The following PCNA variants were observed in gnomAD, a reference collection of about 807,000 sequenced individuals.
The protein encoded by PCNA is proliferating cell nuclear antigen, also known as DNA sliding clamp PCNA.
A neutral mutation model predicts 27.8 loss-of-function variants in PCNA; 4 were observed. The observed-to-expected ratio is 0.14, with a 90% CI of 0.07 to 0.33. The LOEUF (loss-of-function observed/expected upper bound fraction) is 0.33, where lower values mean the gene tolerates loss of function less well. Ranked by LOEUF, PCNA falls within the 10% of genes least tolerant of loss-of-function variation. The pLI is 1.00. For synonymous variants in PCNA, 121 were observed against 119.4 expected (o/e 1.01, Z -0.09); for missense variants, 165 against 327.4 (o/e 0.50, Z 3.83).
upstream of PCNA, among the ~76,000 whole-genome samples, chr20:5,123,687 T>A (rs923263343): frequency 1.0e-4 from 15 of 144,678 alleles, no homozygotes; most frequent in African/African-American, 3.9e-4. Flanking sequence ...AGAGCAAACC[T>A]CCATCTCAAA....
upstream of PCNA, among the ~76,000 whole-genome samples, chr20:5,124,216 T>C (rs2090532461): frequency 6.6e-6 from 1 of 152,194 alleles, no homozygotes; most frequent in African/African-American, 2.4e-5. Flanking sequence ...ATTTTTCTGG[T>C]GGAAACTTAG....
At chr20:5,117,405 T>C in intron 4 of PCNA, 65 bp downstream of exon 4, 3 of 1,093,088 alleles carry the variant, frequency 2.7e-6, no homozygotes, top group Non-Finnish European at 4.0e-6. Flanking sequence ...ATTTTAGCAA[T>C]TAACCTAATA....
At chr20:5,115,667 G>T (rs2090469932) in intron 4 of PCNA, 95 bp from the exon 5 acceptor site, 1 of 1,049,170 alleles carries the variant, frequency 9.5e-7, no homozygotes, top group Non-Finnish European at 1.4e-6. Context: ...CACTTGTATT[G>T]GTCACTTTGG....
intron 4 of PCNA, among the ~76,000 whole-genome samples, chr20:5,116,773 A>C (rs1473198772): frequency 1.3e-5 from 2 of 152,134 alleles, no homozygotes; most frequent in African/African-American, 4.8e-5. Context: ...CCATCTCAGC[A>C]TTCCAAGTAG....
rs1403222412 is a variant in PCNA at position 5,119,520 on chromosome 20, G to A, written c.221+58C>T. 9.1e-6 allele frequency: 13 copies of A among 1,431,874 alleles called. No homozygotes were observed. In the East Asian group the frequency reaches 2.1e-4, roughly 24 times the overall value. The allele number at this position is 1,431,874 out of a possible 1,614,324, so 88.7% of individuals were successfully genotyped here. A position where few individuals can be genotyped will look rare whatever the true frequency, so the allele number is the denominator to read the frequency against. On this transcript the variant is annotated intron_variant, in intron 1 of 5. Transcript: ENST00000379143. Reference sequence around the variant, plus strand: ...GAGGGCTAGGCTCGAAAGCGCTCCCGCCAAGCACCGGAGGTGCAGGCGGGC... The same window carrying A: ...GAGGGCTAGGCTCGAAAGCGCTCCCACCAAGCACCGGAGGTGCAGGCGGGC...
intron 3 of PCNA, 108 bp downstream of exon 3, chr20:5,118,502 G>T: frequency 1.3e-6 from 1 of 793,382 alleles, no homozygotes; most frequent in Non-Finnish European, 2.1e-6. Flanking sequence ...CTGCACTCCA[G>T]CCTGGGCAAC....
At chr20:5,119,278 C>CACTA in intron 1 of PCNA, among the ~76,000 whole-genome samples, 1 of 152,234 alleles carries the variant, frequency 6.6e-6, no homozygotes, top group Non-Finnish European at 1.5e-5. Context: ...CATTCAAGGC[C>CACTA]AACAGGATTT....
intron 4 of PCNA, among the ~76,000 whole-genome samples, 187 bp from the exon 5 acceptor site, chr20:5,115,759 T>C (rs1483447316): frequency 6.6e-6 from 1 of 152,232 alleles, no homozygotes; most frequent in Non-Finnish European, 1.5e-5. Context: ...AGCTATAATT[T>C]AGATAACCAA....
chr20:5,118,228 T>C (rs762295396), intron 3 of PCNA, among the ~76,000 whole-genome samples: 5 of 152,230 alleles, frequency 3.3e-5, no homozygotes, highest in African/African-American at 7.2e-5. Context: ...CTTTGAAACA[T>C]GCACCAGTAG....
At chr20:5,118,973 G>C in intron 1 of PCNA, 107 bp from the exon 2 acceptor site, 1 of 729,942 alleles carries the variant, frequency 1.4e-6, no homozygotes, top group Non-Finnish European at 2.4e-6. Flanking sequence ...GGCCGTCTCA[G>C]AACTGGTGGA....
upstream of PCNA, among the ~76,000 whole-genome samples, chr20:5,123,492 C>T (rs551650953): frequency 1.1e-4 from 17 of 152,056 alleles, no homozygotes; most frequent in South Asian, 2.1e-4. Flanking sequence ...GTCAGGAGTT[C>T]GAGACCAGCC....
rs777411089 is a variant in PCNA at position 5,119,562 on chromosome 20, G to A, written c.221+16C>T. 3 of 1,602,166 alleles carry A rather than the reference G, an allele frequency of 1.9e-6. No individual in the cohort carries two copies. Among genetic ancestry groups the A allele is most frequent in the South Asian group, 2.2e-5 (2 of 89,956 alleles). On this transcript the variant is annotated intron_variant, in intron 1 of 5. Transcript: ENST00000379143. The stretch of plus-strand genomic sequence containing the variant: ...CAGGCGGGCCGGGGCCGGCTTCCCG[G>A]GGCCGCGAGGCTCACCTGGTGAGGT...
At chr20:5,125,053 T>C (rs796653983) in intron 1 of PCNA, among the ~76,000 whole-genome samples, 4 of 152,258 alleles carry the variant, frequency 2.6e-5, no homozygotes, top group African/African-American at 9.6e-5. Flanking sequence ...TAGAAGATCA[T>C]CTTGCTCGAG....
intron 4 of PCNA, 77 bp from the exon 5 acceptor site, chr20:5,115,649 C>T: frequency 1.6e-6 from 2 of 1,273,930 alleles, no homozygotes; most frequent in Non-Finnish European, 2.2e-6. Context: ...TTTATAAAAA[C>T]CCACAAACAC....
upstream of PCNA, chr20:5,120,114 C>A: frequency 2.9e-6 from 1 of 342,678 alleles, no homozygotes; most frequent in Non-Finnish European, 5.6e-6. Context: ...AGGAAGCGGG[C>A]GCAGGGCGGG....
intron 4 of PCNA, among the ~76,000 whole-genome samples, chr20:5,116,853 A>G (rs1294331249): frequency 1.3e-5 from 2 of 152,232 alleles, no homozygotes; most frequent in African/African-American, 4.8e-5. Flanking sequence ...GGGTTTTGCC[A>G]TGTTCTTTCT....
At chr20:5,121,385 CCTTT>C (rs2090516765), upstream of PCNA, 1 of 116,904 alleles carries the variant, frequency 8.6e-6, no homozygotes. Flanking sequence ...GCCTTTCTTT[CCTTT>C]TTTTTTTTTT....
chr20:5,122,371 G>A (rs2090523844), upstream of PCNA, among the ~76,000 whole-genome samples: 1 of 152,178 alleles, frequency 6.6e-6, no homozygotes, highest in Non-Finnish European at 1.5e-5. Context: ...AAGCTACATT[G>A]GTTAAGGCAT....
At chr20:5,125,484 AT>A (rs2090541427) in intron 1 of PCNA, among the ~76,000 whole-genome samples, 1 of 152,226 alleles carries the variant, frequency 6.6e-6, no homozygotes, top group African/African-American at 2.4e-5. Flanking sequence ...ATTAATTAAA[AT>A]TTAAAAATTG....
Sources: allele counts gnomAD v4.1 joint callset (sites outside exome capture counted in the v4.1 genomes callset), GRCh38; gene constraint gnomAD v4.1.1; transcripts MANE v1.5; gene names NCBI Gene and HGNC (gene_info 2026-07-23, HGNC 2026-07-21).